Variants in ERCC1 observed in about 807,000 individuals in gnomAD.
ERCC1 encodes DNA excision repair protein ERCC-1.
Under a neutral mutation model 37.6 loss-of-function variants are expected in ERCC1, and 36 were observed. That is an observed-to-expected ratio of 0.96 (90% CI 0.73 to 1.26). The LOEUF is 1.26. Among genes scored for constraint, ERCC1 ranks in the 50% most tolerant of loss-of-function variants. The pLI is 0.00. For missense variants in ERCC1, 349 were observed against 376.5 expected (o/e 0.93, Z 0.60); for synonymous variants, 156 against 162.1 (o/e 0.96, Z 0.28).
chr19:45,447,870 T>C (rs780375053), intron 1 of ERCC1, among the ~76,000 whole-genome samples: 2 of 147,892 alleles, frequency 1.4e-5, no homozygotes, highest in Non-Finnish European at 3.0e-5. Flanking sequence ...CTTCTTTCTC[T>C]GAGATTTTTT....
chr19:45,432,292 A>G (rs1484835324), intron 1 of ERCC1, among the ~76,000 whole-genome samples: 3 of 139,228 alleles, frequency 2.2e-5, no homozygotes, highest in African/African-American at 9.6e-5. Context: ...ATTTATTATT[A>G]TTATTATTAT....
intron 1 of ERCC1, among the ~76,000 whole-genome samples, chr19:45,440,087 C>G (rs1975081618): frequency 2.0e-5 from 3 of 151,962 alleles, no homozygotes; most frequent in African/African-American, 4.8e-5. Context: ...CAGCGCACCC[C>G]CACTCTGCCC....
At position 45,448,784 on chromosome 19, in the gene ERCC1, C is replaced by G. The variant is rs191322739; in HGVS notation, c.-7-25403G>C. 2.1e-3 allele frequency among the ~76,000 whole-genome samples: 326 copies of G among 152,082 alleles called. 3 individuals are homozygous for G. The highest frequency in any genetic ancestry group is 0.01 in the Middle Eastern group (3 of 294). On this transcript the variant is annotated intron_variant, in intron 1 of 8. Transcript: ENST00000423698. ...AAAGCTATTTGGGGGCCTAGAAAGA[C>G]CCCCCACCCCGCCCCAGGAGAGATG...
chr19:45,424,750 C>G (rs1442450438), upstream of ERCC1, among the ~76,000 whole-genome samples: 2 of 151,970 alleles, frequency 1.3e-5, no homozygotes, highest in African/African-American at 4.8e-5. Context: ...ACCCATATTG[C>G]AAACATTTCC....
chr19:45,420,636 T>G lies in ERCC1; in HGVS notation c.322-209A>C, dbSNP rs1161743322. On this transcript the variant is annotated intron_variant, in intron 3 of 9. Coordinates refer to ENST00000300853, the MANE Select transcript of ERCC1 (RefSeq NM_001983.4). The surrounding 1 kb of genome is among the most constrained non-coding windows in gnomAD (Gnocchi z 4.8). ...TCTCCTCCTAACCCTGGACAGTCCC[T>G]GATCCTCTGATCCAGGCTCCTCCCC... Among the ~76,000 whole-genome samples, 1 of 152,030 alleles carries G rather than the reference T, an allele frequency of 6.6e-6. No individual in the cohort carries two copies. Among genetic ancestry groups the G allele is most frequent in the East Asian group, 1.9e-4 (1 of 5,172 alleles).
intron 1 of ERCC1, among the ~76,000 whole-genome samples, chr19:45,435,568 A>T (rs981634351): frequency 2.6e-5 from 4 of 151,916 alleles, no homozygotes; most frequent in Admixed American, 6.6e-5. Context: ...GCTCAAGCAA[A>T]CCTCCTACCT....
rs139303099 is a variant in ERCC1 at position 45,420,942 on chromosome 19, A to G, written c.321+236T>C. Among the ~76,000 whole-genome samples the G allele has an allele frequency of 1.4e-3, 213 of 152,254 alleles. 1 individual carries two copies. Among genetic ancestry groups the G allele is most frequent in the African/African-American group, 4.6e-3 (193 of 41,552 alleles). On this transcript the variant is annotated intron_variant, in intron 3 of 9. Coordinates refer to ENST00000300853, the MANE Select transcript of ERCC1 (RefSeq NM_001983.4). The surrounding 1 kb of genome is among the most constrained non-coding windows in gnomAD (Gnocchi z 4.8). ...CCCAGCCTCATTCAGTACATTTTGA[A>G]TAAATTAACAAACCTGGGGTGAGGA...
In ERCC1 at chr19:45,408,665, G is replaced by C. The variant is rs1568570068; in HGVS notation, c.*1010C>G. 2 of 1,613,846 alleles carry C rather than the reference G, an allele frequency of 1.2e-6. No individual in the cohort carries two copies. The highest frequency in any genetic ancestry group is 1.1e-5 in the South Asian group (1 of 91,078). On this transcript the variant is annotated 3_prime_UTR_variant, in exon 10 of 10. Transcript: ENST00000300853. Reference sequence around the variant, plus strand: ...AGAGGCAGCAGGGCCTGTGGGGACAGAGCCCACAGTGGAGACACTGGAGCC... The same window carrying C: ...AGAGGCAGCAGGGCCTGTGGGGACACAGCCCACAGTGGAGACACTGGAGCC...
rs891776741 is a variant in ERCC1 at position 45,407,960 on chromosome 19, A to G, written c.*1715T>C. ...TCCCAGCTACTTGAGAGGCTGAGGC[A>G]GGAGAATCGCTTGAACCCAGGAGGT... is the stretch of plus-strand genomic sequence containing the variant. On this transcript the variant is annotated 3_prime_UTR_variant, in exon 10 of 10. Coordinates refer to ENST00000300853, the MANE Select transcript of ERCC1 (RefSeq NM_001983.4). 5 of 789,154 alleles carry G rather than the reference A, an allele frequency of 6.3e-6. No individual in the cohort carries two copies. Among genetic ancestry groups the G allele is most frequent in the Admixed American group, 6.1e-5 (2 of 32,958 alleles). The allele number at this position is 789,154 out of a possible 1,614,324, so 48.9% of individuals were successfully genotyped here. A position where few individuals can be genotyped will look rare whatever the true frequency, so the allele number is the denominator to read the frequency against.
intron 1 of ERCC1, among the ~76,000 whole-genome samples, chr19:45,429,448 G>A (rs757583529): frequency 2.0e-5 from 3 of 151,738 alleles, no homozygotes; most frequent in Non-Finnish European, 4.4e-5. Flanking sequence ...CAAAAACAGC[G>A]AAACTCCATC....
At chr19:45,435,223 A>G (rs1974945239) in intron 1 of ERCC1, among the ~76,000 whole-genome samples, 1 of 151,944 alleles carries the variant, frequency 6.6e-6, no homozygotes, top group East Asian at 1.9e-4. Context: ...GGCCCATTTT[A>G]CAGCATTTCA....
rs190655813 is a variant in ERCC1 at position 45,438,673 on chromosome 19, T to A, written c.-7-15292A>T. Among the ~76,000 whole-genome samples the A allele has an allele frequency of 3.4e-3, 515 of 151,116 alleles. 2 individuals carry two copies. Among genetic ancestry groups the A allele is most frequent in the Admixed American group, 6.6e-3 (100 of 15,172 alleles). ...TATTATTTTTTAAGACAGAGTTTTG[T>A]TCTTTTTGCCCAGGCTGGAGTGCAA... On this transcript the variant is annotated intron_variant, in intron 1 of 8. Coordinates refer to the ERCC1 transcript ENST00000423698.
chr19:45,451,075 C>T (rs1967107513), intron 1 of ERCC1, among the ~76,000 whole-genome samples: 1 of 152,022 alleles, frequency 6.6e-6, no homozygotes, highest in Non-Finnish European at 1.5e-5. Flanking sequence ...GAGGGGATTG[C>T]GGTGATGGAA....
chr19:45,434,627 C>A (rs1304319075), intron 1 of ERCC1, among the ~76,000 whole-genome samples: 1 of 152,058 alleles, frequency 6.6e-6, no homozygotes, highest in Non-Finnish European at 1.5e-5. Context: ...GCTCTGTCAC[C>A]CAGGCTGGAG....
intron 1 of ERCC1, among the ~76,000 whole-genome samples, chr19:45,441,404 G>T (rs1048684016): frequency 6.6e-6 from 1 of 152,120 alleles, no homozygotes; most frequent in African/African-American, 2.4e-5. Flanking sequence ...ATGGCGGGGG[G>T]GTCATCCCTG....
At chr19:45,433,868 C>G (rs1286692046) in intron 1 of ERCC1, among the ~76,000 whole-genome samples, 1 of 151,882 alleles carries the variant, frequency 6.6e-6, no homozygotes, top group Non-Finnish European at 1.5e-5. Context: ...CACAGTGGCT[C>G]ACACCTGTAA....
intron 1 of ERCC1, 200 bp from the exon 2 acceptor site, chr19:45,423,581 C>G: frequency 7.1e-7 from 1 of 1,415,364 alleles, no homozygotes; most frequent in Non-Finnish European, 9.2e-7. Flanking sequence ...CCTTACAGGT[C>G]CACAAGTCCC....
intron 1 of ERCC1, 122 bp downstream of exon 1, chr19:45,423,659 G>T: frequency 7.8e-7 from 1 of 1,274,382 alleles, no homozygotes; most frequent in Non-Finnish European, 1.0e-6. Context: ...CCTTCCGTTC[G>T]TCCGGCCCCC....
chr19:45,446,923 G>A (rs538572957), intron 1 of ERCC1, among the ~76,000 whole-genome samples: 1 of 152,236 alleles, frequency 6.6e-6, no homozygotes, highest in Non-Finnish European at 1.5e-5. Context: ...ATTTGAACCC[G>A]GGAGGTGGAG....
Sources: gnomAD v4.1 joint callset for allele counts (sites outside exome capture counted in the v4.1 genomes callset) on GRCh38, gnomAD v4.1.1 for gene constraint, Gnocchi (gnomAD v3.1) non-coding constraint, MANE v1.5 for transcripts, NCBI Gene and HGNC (gene_info 2026-07-23, HGNC 2026-07-21) for gene names.